Variants in LRP1B observed in about 807,000 individuals in gnomAD.
LRP1B encodes low-density lipoprotein receptor-related protein 1B.
Under a neutral mutation model 556.6 loss-of-function variants are expected in LRP1B, and 217 were observed. The observed-to-expected ratio is 0.39, with a 90% CI of 0.35 to 0.44. The LOEUF (loss-of-function observed/expected upper bound fraction) is 0.44, where lower values mean the gene tolerates loss of function less well. Among genes scored for constraint, LRP1B ranks in the 20% least tolerant of loss-of-function variants. The probability of loss-of-function intolerance (pLI) is 1.00; values close to 1 mark genes in which losing one functional copy is unlikely to be tolerated. For synonymous variants in LRP1B, 2,047 were observed against 1,865.8 expected (o/e 1.10, Z -2.50); for missense variants, 5,053 against 5,620.8 (o/e 0.90, Z 3.23).
chr2:140,702,027 C>A, intron 39 of LRP1B, 114 bp downstream of exon 39: 1 of 1,360,810 alleles, frequency 7.3e-7, no homozygotes. Context: ...AAATTACTGG[C>A]TTTGTGAGTT....
At chr2:141,595,912 T>C (rs1687496968) in intron 2 of LRP1B, among the ~76,000 whole-genome samples, 1 of 152,100 alleles carries the variant, frequency 6.6e-6, no homozygotes, top group South Asian at 2.1e-4. Context: ...ATTTAAAAGA[T>C]ACATTAATTA....
chr2:141,638,513 A>G (rs1445001676), intron 2 of LRP1B, among the ~76,000 whole-genome samples: 1 of 132,584 alleles, frequency 7.5e-6, no homozygotes, highest in East Asian at 2.1e-4. Context: ...GGGGCAAGCC[A>G]TTGTCAGTCG....
chr2:140,910,423 T>A (rs192561908), intron 21 of LRP1B, among the ~76,000 whole-genome samples: 2 of 151,790 alleles, frequency 1.3e-5, no homozygotes, highest in African/African-American at 2.4e-5. Flanking sequence ...AAAGAGGTAA[T>A]CATTTTAAAA....
intron 77 of LRP1B, among the ~76,000 whole-genome samples, chr2:140,341,810 C>A (rs1681406409): frequency 6.6e-6 from 1 of 151,198 alleles, no homozygotes; most frequent in Admixed American, 6.6e-5. Flanking sequence ...GGATATCCAG[C>A]AGAATAATTT....
chr2:140,849,786 C>T (rs1482347169), intron 29 of LRP1B, among the ~76,000 whole-genome samples: 6 of 152,026 alleles, frequency 3.9e-5, no homozygotes, highest in Non-Finnish European at 7.4e-5. Flanking sequence ...GTGATCCACC[C>T]GCCTCGGCCT....
intron 3 of LRP1B, among the ~76,000 whole-genome samples, chr2:141,289,026 T>C (rs1685835635): frequency 1.3e-5 from 2 of 151,550 alleles, no homozygotes; most frequent in South Asian, 2.1e-4. Context: ...TGGAGAATGG[T>C]TTTTACAATA....
chr2:141,105,350 T>C (rs1462992152), intron 7 of LRP1B, among the ~76,000 whole-genome samples: 1 of 152,120 alleles, frequency 6.6e-6, no homozygotes, highest in Non-Finnish European at 1.5e-5. Flanking sequence ...TTTTTTTTAG[T>C]TTTATACTTT....
chr2:141,881,902 G>A (rs534226752), intron 1 of LRP1B, among the ~76,000 whole-genome samples: 118 of 152,010 alleles, frequency 7.8e-4, no homozygotes, highest in Non-Finnish European at 1.5e-3. Flanking sequence ...GGGAACTCTA[G>A]GAAGATATTA....
chr2:141,187,027 G>T (rs1260789650), intron 7 of LRP1B, among the ~76,000 whole-genome samples: 1 of 152,040 alleles, frequency 6.6e-6, no homozygotes, highest in African/African-American at 2.4e-5. Context: ...GGAAAAACAT[G>T]CAAGCAATAT....
At chr2:140,498,532 A>C (rs188163145) in intron 55 of LRP1B, among the ~76,000 whole-genome samples, 9 of 152,012 alleles carry the variant, frequency 5.9e-5, no homozygotes, top group Non-Finnish European at 1.5e-5. Flanking sequence ...GCCACAGTCC[A>C]TAAGGTCTAA....
intron 3 of LRP1B, among the ~76,000 whole-genome samples, chr2:141,328,701 G>A (rs1002517183): frequency 6.6e-6 from 1 of 152,122 alleles, no homozygotes; most frequent in Non-Finnish European, 1.5e-5. Flanking sequence ...ATGAACCTTA[G>A]AGCATACACA....
intron 3 of LRP1B, among the ~76,000 whole-genome samples, chr2:141,358,981 A>G (rs58526254): frequency 6.6e-6 from 1 of 152,086 alleles, no homozygotes; most frequent in African/African-American, 2.4e-5. Flanking sequence ...AATTTGATTC[A>G]ATTATTTATT....
intron 3 of LRP1B, among the ~76,000 whole-genome samples, chr2:141,446,340 C>T (rs1042804924): frequency 1.3e-5 from 2 of 152,002 alleles, no homozygotes; most frequent in Non-Finnish European, 2.9e-5. Flanking sequence ...TACAGTCCAT[C>T]GATGGGTCTT....
intron 41 of LRP1B, among the ~76,000 whole-genome samples, chr2:140,668,249 A>G (rs2380912): frequency 0.95 from 139,526 of 146,124 alleles, 66,895 homozygotes; most frequent in East Asian, 1. Flanking sequence ...GGCGGTGCTT[A>G]CAGTGAGCTG....
chr2:141,968,413 T>C (rs1193454903), intron 1 of LRP1B, among the ~76,000 whole-genome samples: 10 of 151,814 alleles, frequency 6.6e-5, no homozygotes, highest in Admixed American at 3.9e-4. Flanking sequence ...TATTTTTTTT[T>C]CCCTAAATTC....
chr2:141,076,503 T>G (rs556762106), intron 7 of LRP1B, among the ~76,000 whole-genome samples: 1 of 152,340 alleles, frequency 6.6e-6, no homozygotes, highest in Admixed American at 6.5e-5. Context: ...ATTCCTATAA[T>G]CACTGTGGTG....
At position 141,260,545 on chromosome 2, in the gene LRP1B, C is replaced by T. The variant is rs192401357; in HGVS notation, c.344-5904G>A. Reference sequence around the variant, plus strand: ...GTTATTACCAATAGAGGTCTTTTTTCCTCATTAGTTTTGTTTACATAAATA... The same window carrying T: ...GTTATTACCAATAGAGGTCTTTTTTTCTCATTAGTTTTGTTTACATAAATA... On this transcript the variant is annotated intron_variant, in intron 3 of 90. Transcript: ENST00000389484. Among the ~76,000 whole-genome samples, 73 of 152,112 alleles carry T rather than the reference C, an allele frequency of 4.8e-4. No homozygotes were observed. In the East Asian group the frequency reaches 0.014, roughly 28 times the overall value.
At chr2:140,923,315 C>G (rs937228471) in intron 20 of LRP1B, among the ~76,000 whole-genome samples, 168 bp from the exon 21 acceptor site, 1 of 151,898 alleles carries the variant, frequency 6.6e-6, no homozygotes, top group Non-Finnish European at 1.5e-5. Flanking sequence ...TATAAATATA[C>G]TCTAGTATTT....
chr2:140,302,450 T>A (rs1034038590), intron 83 of LRP1B, among the ~76,000 whole-genome samples: 1 of 152,200 alleles, frequency 6.6e-6, no homozygotes, highest in Non-Finnish European at 1.5e-5. Flanking sequence ...GTCTACTTCA[T>A]ATTCAAGTTG....
Sources: allele counts gnomAD v4.1 joint callset (sites outside exome capture counted in the v4.1 genomes callset), GRCh38; gene constraint gnomAD v4.1.1; transcripts MANE v1.5; gene names NCBI Gene and HGNC (gene_info 2026-07-23, HGNC 2026-07-21).